ECD: variants seen among roughly 807,000 people sequenced by gnomAD.
The protein encoded by ECD is ecdysoneless cell cycle regulator, also known as protein ecdysoneless homolog.
Under a neutral mutation model 77.2 loss-of-function variants are expected in ECD, and 59 were observed. That is an observed-to-expected ratio of 0.76 (90% CI 0.62 to 0.95). ECD has a LOEUF of 0.95. Ranked by LOEUF, ECD falls within the 40% of genes least tolerant of loss-of-function variation. The pLI, the probability that ECD is intolerant of heterozygous loss-of-function variation, is 0.00. For missense variants in ECD, 704 were observed against 763.4 expected (o/e 0.92, Z 0.92); for synonymous variants, 233 against 267.4 (o/e 0.87, Z 1.26).
intron 9 of ECD, among the ~76,000 whole-genome samples, chr10:73,144,353 A>G (rs974616118): frequency 5.9e-5 from 9 of 152,166 alleles, no homozygotes; most frequent in Non-Finnish European, 7.3e-5. Flanking sequence ...GGCTGGGTGC[A>G]GTGGCTCACA....
At chr10:73,166,547 C>T (rs865974371) in intron 1 of ECD, among the ~76,000 whole-genome samples, 4 of 152,302 alleles carry the variant, frequency 2.6e-5, no homozygotes, top group African/African-American at 7.2e-5. Flanking sequence ...TTTTGATTTG[C>T]ATTTCTCTGA....
intron 5 of ECD, among the ~76,000 whole-genome samples, chr10:73,155,031 TAA>T (rs1429445302): frequency 6.6e-6 from 1 of 152,226 alleles, no homozygotes; most frequent in Non-Finnish European, 1.5e-5. Context: ...ATGCTGAAGC[TAA>T]AAGAGATTTT....
In ECD at chr10:73,139,343, T is replaced by A. The variant is rs779489054; in HGVS notation, c.1387A>T (p.Lys463Ter). The part of the protein sequence containing the change: ...VSESMKAFIS[K>*]VSTHKGAELP... ...TCTGCTCCCTTGTGGGTTGAGACTTTGGATATGAAAGCTTTCATGCTCTCT... is the reference window on the plus strand; with the variant it reads ...TCTGCTCCCTTGTGGGTTGAGACTTAGGATATGAAAGCTTTCATGCTCTCT... Residue 463 changes from lysine to a stop codon, truncating the protein, a stop_gained, in exon 11 of 14, where the codon AAA (lysine) becomes TAA (stop). Coordinates refer to ENST00000372979, the MANE Select transcript of ECD (RefSeq NM_007265.3). LOFTEE classifies it high-confidence loss of function. The A allele has an allele frequency of 6.2e-7, 1 of 1,614,110 alleles. No individual in the cohort carries two copies. Among genetic ancestry groups the A allele is most frequent in the Non-Finnish European group, 8.5e-7 (1 of 1,180,016 alleles).
chr10:73,134,900 TG>T, intron 13 of ECD, 87 bp from the exon 14 acceptor site: 1 of 1,151,486 alleles, frequency 8.7e-7, no homozygotes, highest in Admixed American at 2.2e-5. Flanking sequence ...TAAGCCACAA[TG>T]TAAATTTGCA....
intron 11 of ECD, among the ~76,000 whole-genome samples, chr10:73,138,759 G>A (rs1293443090): frequency 6.6e-6 from 1 of 152,084 alleles, no homozygotes; most frequent in Non-Finnish European, 1.5e-5. Flanking sequence ...TAGAGATAGG[G>A]TTTCACCATG....
rs780755144 is a variant in ECD at position 73,163,969 on chromosome 10, A to G, written c.-13-19T>C. The G allele has an allele frequency of 6.3e-7, 1 of 1,598,712 alleles. No individual in the cohort carries two copies. The highest frequency in any genetic ancestry group is 1.1e-5 in the South Asian group (1 of 90,648). On this transcript the variant is annotated intron_variant, in intron 1 of 13. Transcript: ENST00000372979. ...TTGAAAACTATGTTTAAAGTTCCAA[A>G]ATATAAACCACATAGAACAATGCAG...
In ECD at chr10:73,160,403, T is replaced by C. The variant is rs748766090; in HGVS notation, c.323+31A>G. ...AGTCACTTTGTTTCAGTAATAGAAT[T>C]CCTTTAGAATAATTAAAATAACTAC... On this transcript the variant is annotated intron_variant, in intron 3 of 13. Coordinates refer to ENST00000372979, the MANE Select transcript of ECD (RefSeq NM_007265.3). 4.2e-6 allele frequency: 6 copies of C among 1,426,782 alleles called. No individual in the cohort carries two copies. The South Asian group carries it at 8.1e-5, about 19-fold the overall frequency. 88.4% of individuals were successfully genotyped at this position (1,426,782 alleles called of 1,614,324 possible). A position where few individuals can be genotyped will look rare whatever the true frequency, so the allele number is the denominator to read the frequency against.
rs532493846 is a variant in ECD, at chr10:73,151,269, T to C, written c.912+1024A>G. On this transcript the variant is annotated intron_variant, in intron 7 of 13. Transcript: ENST00000372979. Reference sequence around the variant, plus strand: ...GAAACCATCACTCTCAGCAAACTATTGCAAGGACAAAAAACCAAACACCGC... The same window carrying C: ...GAAACCATCACTCTCAGCAAACTATCGCAAGGACAAAAAACCAAACACCGC... Among the ~76,000 whole-genome samples, 424 of 150,202 alleles carry C rather than the reference T, an allele frequency of 2.8e-3. 1 individual carries two copies. Among genetic ancestry groups the C allele is most frequent in the African/African-American group, 1.0e-2 (408 of 40,880 alleles).
At chr10:73,167,720 G>C (rs1337310354) in intron 1 of ECD, 146 bp downstream of exon 1, 1 of 152,604 alleles carries the variant, frequency 6.6e-6, no homozygotes, top group East Asian at 1.9e-4. Context: ...GATCACTCAG[G>C]CTAATACCTC....
rs772254446 is a variant in ECD, at chr10:73,146,296, G to A, written c.1107C>T (p.Leu369=). The change falls in exon 9 of 14, where the codon CTC becomes CTT. Residue 369 remains leucine, a synonymous_variant. Coordinates refer to ENST00000372979, the MANE Select transcript of ECD (RefSeq NM_007265.3). ...CTCACCTTTCTGGCCAGTCTACTGA[G>A]AGCTGGAAGTAATTCTCTGCCATTT... ...RLEMAENYFQ[L]SVDWPESSLA... is the part of the protein sequence containing the mutation. 1.2e-6 allele frequency: 2 copies of A among 1,609,626 alleles called. No homozygotes were observed. Among genetic ancestry groups the A allele is most frequent in the Admixed American group, 1.7e-5 (1 of 59,946 alleles).
chr10:73,146,869 T>C (rs909741712), intron 8 of ECD, among the ~76,000 whole-genome samples: 2 of 152,112 alleles, frequency 1.3e-5, no homozygotes, highest in African/African-American at 4.8e-5. Flanking sequence ...AATGGCAAAA[T>C]CCCACCATTA....
Position 73,139,350 on chromosome 10 carries a change from G to A in ECD, c.1380C>T (p.Phe460=). ...LTEVSESMKA[F]ISKVSTHKGA... ...CCTTGTGGGTTGAGACTTTGGATAT[G>A]AAAGCTTTCATGCTCTCTGAGACTT... Residue 460 remains phenylalanine (F), a synonymous_variant, in exon 11 of 14, where the codon TTC becomes TTT. Coordinates refer to ENST00000372979, the MANE Select transcript of ECD (RefSeq NM_007265.3). The A allele has an allele frequency of 6.2e-7, 1 of 1,614,044 alleles. No homozygotes were observed. The highest frequency in any genetic ancestry group is 1.1e-5 in the South Asian group (1 of 91,060).
chr10:73,162,456 T>C (rs1212964981), intron 2 of ECD, among the ~76,000 whole-genome samples: 1 of 152,194 alleles, frequency 6.6e-6, no homozygotes, highest in African/African-American at 2.4e-5. Flanking sequence ...AGAGGATGGA[T>C]AAAGGGTTGG....
At position 73,137,522 on chromosome 10, in the gene ECD, T is replaced by C. The variant is rs575077803; in HGVS notation, c.1489+481A>G. On this transcript the variant is annotated intron_variant, in intron 12 of 13. Transcript: ENST00000372979. ...CGGGCACGGTGGCTCACGCCTGTAA[T>C]CCCAGCACTTTGGTAGGCTGAGATG... Among the ~76,000 whole-genome samples the C allele has an allele frequency of 4.3e-4, 66 of 152,244 alleles. 1 individual carries two copies. The highest frequency in any genetic ancestry group is 1.3e-3 in the African/African-American group (56 of 41,552).
At chr10:73,165,337 TTTTTTCTTTTC>T (rs770487972) in intron 1 of ECD, among the ~76,000 whole-genome samples, 21 of 152,152 alleles carry the variant, frequency 1.4e-4, no homozygotes, top group South Asian at 4.2e-4. Context: ...TTTCTTTTCT[TTTTTTCTTTTC>T]TTTTTCTTTT....
Position 73,152,397 on chromosome 10 carries a change from C to T in ECD, c.808G>A (p.Ala270Thr), listed in dbSNP as rs1427059797. The change falls in exon 7 of 14, where the codon GCA becomes ACA. Residue 270 changes from alanine (A) to threonine (T), a missense_variant. Ala to Thr is a moderately conservative substitution (Grantham distance 58, BLOSUM62 0). Transcript: ENST00000372979. Reference protein sequence around the residue: ...TSVTFTKCLYAQLVQQRFVPD... With the variant: ...TSVTFTKCLYTQLVQQRFVPD... ...ACAAACCTTTGTTGCACCAATTGTG[C>T]ATATAGACATTTAGTGAATGTGACC... 6.2e-7 allele frequency: 1 copy of T among 1,613,436 alleles called. No homozygotes were observed. The highest frequency in any genetic ancestry group is 8.5e-7 in the Non-Finnish European group (1 of 1,179,572).
chr10:73,157,498 C>T (rs547900046), intron 3 of ECD, among the ~76,000 whole-genome samples: 82 of 151,554 alleles, frequency 5.4e-4, no homozygotes, highest in Admixed American at 5.2e-4. Flanking sequence ...GTGGGCGGAT[C>T]ACCTGAGGTC....
intron 3 of ECD, among the ~76,000 whole-genome samples, chr10:73,158,176 G>T (rs1000676313): frequency 1.3e-5 from 2 of 151,922 alleles, no homozygotes; most frequent in Non-Finnish European, 2.9e-5. Flanking sequence ...GGCCAGGCTC[G>T]TCTCGAACTT....
intron 9 of ECD, among the ~76,000 whole-genome samples, chr10:73,146,054 G>T (rs1264498626): frequency 2.0e-5 from 3 of 147,102 alleles, no homozygotes; most frequent in Non-Finnish European, 4.5e-5. Context: ...TTCTTTCGTT[G>T]TTTTTTTTTT....
Sources: gnomAD v4.1 joint callset for allele counts (sites outside exome capture counted in the v4.1 genomes callset) on GRCh38, gnomAD v4.1.1 for gene constraint, MANE v1.5 for transcripts, NCBI Gene and HGNC (gene_info 2026-07-23, HGNC 2026-07-21) for gene names.